The following SIRPB2 variants were observed in gnomAD, a reference collection of about 807,000 sequenced individuals.
The protein encoded by SIRPB2 is signal-regulatory protein beta-2.
In SIRPB2, 18 loss-of-function variants were observed where a neutral mutation model predicts 27.1. That is an observed-to-expected ratio of 0.66 (90% CI 0.46 to 0.98). SIRPB2 has a LOEUF of 0.98. Among genes scored for constraint, SIRPB2 ranks in the 50% least tolerant of loss-of-function variants. SIRPB2 has a pLI of 0.00. For synonymous variants in SIRPB2, 150 were observed against 164.6 expected (o/e 0.91, Z 0.68); for missense variants, 420 against 417.4 (o/e 1.01, Z -0.06).
intron 1 of SIRPB2, among the ~76,000 whole-genome samples, chr20:1,481,705 T>A (rs1436299450): frequency 1.3e-5 from 2 of 152,230 alleles, no homozygotes; most frequent in African/African-American, 4.8e-5. Flanking sequence ...CAAGAATAAC[T>A]TTCTCACAAT....
intron 2 of SIRPB2, chr20:1,479,301 T>G (rs1327371581): frequency 4.2e-6 from 1 of 240,946 alleles, no homozygotes; most frequent in Non-Finnish European, 8.2e-6. Context: ...ATAGGGTACA[T>G]CCACACTCTT....
Position 1,479,506 on chromosome 20 carries a change from C to T in SIRPB2, c.451+194G>A, listed in dbSNP as rs1600010369. ...CATGCCCCACATAGTTGCTACCTCT[C>T]CAGCCTGGGCTCTGGCATGAGACAT... On this transcript the variant is annotated intron_variant, in intron 2 of 4. Coordinates refer to ENST00000359801, the MANE Select transcript of SIRPB2 (RefSeq NM_001122962.2). 6 of 847,584 alleles carry T rather than the reference C, an allele frequency of 7.1e-6. No individual in the cohort carries two copies. The East Asian group carries it at 9.9e-5, about 14-fold the overall frequency. 52.5% of individuals were successfully genotyped at this position (847,584 alleles called of 1,614,324 possible).
intron 1 of SIRPB2, among the ~76,000 whole-genome samples, chr20:1,489,738 C>T (rs898913678): frequency 6.6e-6 from 1 of 152,054 alleles, no homozygotes; most frequent in African/African-American, 2.4e-5. Flanking sequence ...TGTGTTAGCC[C>T]CAGTCTCCTC....
intron 1 of SIRPB2, chr20:1,480,329 T>G: frequency 4.7e-6 from 2 of 423,916 alleles, no homozygotes; most frequent in Non-Finnish European, 8.5e-6. Flanking sequence ...TGTCACTTAT[T>G]CTTCACAATG....
At chr20:1,485,463 G>A (rs973920129) in intron 1 of SIRPB2, among the ~76,000 whole-genome samples, 2 of 152,080 alleles carry the variant, frequency 1.3e-5, no homozygotes, top group Non-Finnish European at 2.9e-5. Flanking sequence ...TTCTGTTAAA[G>A]CAAGGGGAAG....
chr20:1,470,804 A>G (rs1406614035), downstream of SIRPB2: 5 of 152,332 alleles, frequency 3.3e-5, no homozygotes, highest in South Asian at 4.1e-4. Flanking sequence ...CAAACACACA[A>G]CATTCACAGC....
At position 1,491,310 on chromosome 20, in the gene SIRPB2, C is replaced by T. The variant is rs2080022586; in HGVS notation, c.50G>A (p.Cys17Tyr). 1.2e-6 allele frequency: 2 copies of T among 1,611,546 alleles called. No individual in the cohort carries two copies. Among genetic ancestry groups the T allele is most frequent in the Non-Finnish European group, 8.5e-7 (1 of 1,179,228 alleles). ...AAGGACCAGTGCCAGCAGCAGGAAG[C>T]AGGGAGGCAAGTGGGCCAGGCAGGT... Reference protein sequence around the residue: ...APTCLAHLPPCFLLLALVLVP... With the variant: ...APTCLAHLPPYFLLLALVLVP... Residue 17 changes from cysteine (C) to tyrosine (Y), a missense_variant, in exon 1 of 5, where the codon TGC becomes TAC. Cys to Tyr is a radical substitution (Grantham distance 194, BLOSUM62 -2). Coordinates refer to ENST00000359801, the MANE Select transcript of SIRPB2 (RefSeq NM_001122962.2).
chr20:1,476,477 A>G, intron 4 of SIRPB2, 141 bp from the exon 5 acceptor site: 1 of 958,118 alleles, frequency 1.0e-6, no homozygotes, highest in Non-Finnish European at 1.5e-6. Flanking sequence ...GAAAGAGGAG[A>G]TCAAAGACCA....
Position 1,476,114 on chromosome 20 carries a change from A to T in SIRPB2, c.*53T>A. On this transcript the variant is annotated 3_prime_UTR_variant, in exon 5 of 5. Coordinates refer to ENST00000359801, the MANE Select transcript of SIRPB2 (RefSeq NM_001122962.2). ...GGGACTGGAGGTAGGGAAATGGTTG[A>T]GGAGCCCTGGCTCCTCTCCAACTCA... 6.3e-7 allele frequency: 1 copy of T among 1,588,160 alleles called. No homozygotes were observed.
In SIRPB2 at chr20:1,479,728, C is replaced by A. The variant is rs370147802; in HGVS notation, c.423G>T (p.Ser141=). 3.1e-6 allele frequency: 5 copies of A among 1,614,022 alleles called. No individual in the cohort carries two copies. In the African/African-American group the frequency reaches 5.3e-5, roughly 17 times the overall value. Residue 141 remains serine, a synonymous_variant, in exon 2 of 5, where the codon TCG becomes TCT. Coordinates refer to ENST00000359801, the MANE Select transcript of SIRPB2 (RefSeq NM_001122962.2). Reference sequence around the variant, plus strand: ...TCACAAGCACTGAGGTGCCTTCATCCGATTTCATTTCTGAGTGTTCACTCA... The same window carrying A: ...TCACAAGCACTGAGGTGCCTTCATCAGATTTCATTTCTGAGTGTTCACTCA... The part of the protein sequence containing the change: ...DGLSEHSEMK[S]DEGTSVLVKG...
chr20:1,471,824 G>C (rs1230788707), downstream of SIRPB2, among the ~76,000 whole-genome samples: 1 of 152,082 alleles, frequency 6.6e-6, no homozygotes, highest in African/African-American at 2.4e-5. Flanking sequence ...TAACCTGCAG[G>C]GGGAAATGGA....
chr20:1,474,391 G>A (rs191072871), downstream of SIRPB2, among the ~76,000 whole-genome samples: 7 of 151,992 alleles, frequency 4.6e-5, no homozygotes, highest in African/African-American at 1.2e-4. Context: ...TACTGTTGTC[G>A]CTGGCTTAGT....
At chr20:1,470,783 A>T (rs1279197778), downstream of SIRPB2, 1 of 152,222 alleles carries the variant, frequency 6.6e-6, no homozygotes, top group Non-Finnish European at 1.5e-5. Context: ...CAATGTGTTT[A>T]CTAGCGCGTA....
At chr20:1,482,068 AT>A (rs1005104593) in intron 1 of SIRPB2, among the ~76,000 whole-genome samples, 30 of 152,150 alleles carry the variant, frequency 2.0e-4, no homozygotes, top group East Asian at 9.7e-4. Flanking sequence ...CCCCAAACTG[AT>A]TTTAAAAAAA....
In SIRPB2 at chr20:1,475,019, G is replaced by A. The variant is rs112397058; in HGVS notation, c.*1148C>T. On this transcript the variant is annotated 3_prime_UTR_variant, in exon 5 of 5. Coordinates refer to ENST00000359801, the MANE Select transcript of SIRPB2 (RefSeq NM_001122962.2). ...AAAGGCAGGTGTGTCTGACTCCTGG[G>A]CATGCACACTCTTCCCCATGTCAGG... 0.039 allele frequency: 5,926 copies of A among 152,230 alleles called. 155 individuals are homozygous for A. The highest frequency in any genetic ancestry group is 0.058 in the Non-Finnish European group (3,931 of 68,042). The allele number at this position is 152,230 out of a possible 1,614,324, so 9.4% of individuals were successfully genotyped here. A position where few individuals can be genotyped will look rare whatever the true frequency, so the allele number is the denominator to read the frequency against.
Position 1,491,349 on chromosome 20 carries a change from G to A in SIRPB2, c.11C>T (p.Thr4Met), listed in dbSNP as rs372457994. The A allele has an allele frequency of 1.9e-5, 31 of 1,609,240 alleles. No individual in the cohort carries two copies. The highest frequency in any genetic ancestry group is 4.5e-5 in the East Asian group (2 of 44,606). The change falls in exon 1 of 5, where the codon ACG becomes ATG. Residue 4 changes from threonine to methionine, a missense_variant. Transcript: ENST00000359801. ...GGCCAGGCAGGTGGGGGCCGACATC[G>A]TGGAGCACATGGCATCTTCTGTGGT... Reference protein sequence around the residue: MCSTMSAPTCLAHL... With the variant: MCSMMSAPTCLAHL...
intron 1 of SIRPB2, among the ~76,000 whole-genome samples, chr20:1,490,964 C>T (rs6110193): frequency 0.16 from 24,229 of 152,152 alleles, 3,491 homozygotes; most frequent in African/African-American, 0.38. Context: ...AGAGAAAGGT[C>T]CCATGAGCGT....
chr20:1,471,736 T>A (rs2090581682), downstream of SIRPB2, among the ~76,000 whole-genome samples: 1 of 152,218 alleles, frequency 6.6e-6, no homozygotes, highest in Non-Finnish European at 1.5e-5. Context: ...GCAGCAGGGC[T>A]GCCATCCTTG....
intron 3 of SIRPB2, among the ~76,000 whole-genome samples, chr20:1,477,739 G>T (rs143698229): frequency 6.6e-6 from 1 of 152,158 alleles, no homozygotes; most frequent in South Asian, 2.1e-4. Context: ...ACAAGGGTGC[G>T]ATCTTGGCTC....
Sources: gnomAD v4.1 joint callset for allele counts (sites outside exome capture counted in the v4.1 genomes callset) on GRCh38, gnomAD v4.1.1 for gene constraint, MANE v1.5 for transcripts, NCBI Gene and HGNC (gene_info 2026-07-23, HGNC 2026-07-21) for gene names.